Variants in CCDC175 observed in about 807,000 individuals in gnomAD.
The protein encoded by CCDC175 is coiled-coil domain containing 175.
CCDC175 carries 100 observed loss-of-function variants against 114.6 expected under a neutral mutation model. That is an observed-to-expected ratio of 0.87 (90% confidence interval 0.74 to 1.03). The LOEUF is 1.03. Among genes scored for constraint, CCDC175 ranks in the 50% least tolerant of loss-of-function variants. The pLI, the probability that CCDC175 is intolerant of heterozygous loss-of-function variation, is 0.00. For synonymous variants in CCDC175, 306 were observed against 308.7 expected (o/e 0.99, Z 0.09); for missense variants, 880 against 917.8 (o/e 0.96, Z 0.53).
intron 3 of CCDC175, among the ~76,000 whole-genome samples, chr14:59,569,688 T>G (rs929767256): frequency 3.3e-5 from 5 of 152,208 alleles, no homozygotes; most frequent in African/African-American, 1.2e-4. Flanking sequence ...TGTTGTATTT[T>G]CCCTGGCAAA....
intron 17 of CCDC175, among the ~76,000 whole-genome samples, chr14:59,520,081 G>A (rs1374864672): frequency 6.6e-6 from 1 of 152,180 alleles, no homozygotes; most frequent in Non-Finnish European, 1.5e-5. Flanking sequence ...TGTCTTCAAC[G>A]AGCTCTGATC....
chr14:59,570,887 C>A (rs190559582), intron 3 of CCDC175, among the ~76,000 whole-genome samples: 1 of 152,052 alleles, frequency 6.6e-6, no homozygotes, highest in African/African-American at 2.4e-5. Context: ...TACAGGCATG[C>A]GCCACCACGC....
intron 3 of CCDC175, among the ~76,000 whole-genome samples, chr14:59,569,080 T>A: frequency 6.6e-6 from 1 of 152,246 alleles, no homozygotes; most frequent in East Asian, 1.9e-4. Flanking sequence ...TGTAATCACG[T>A]ATGACTTCAA....
chr14:59,548,070 G>A (rs1895225226), intron 8 of CCDC175, among the ~76,000 whole-genome samples: 1 of 152,170 alleles, frequency 6.6e-6, no homozygotes, highest in South Asian at 2.1e-4. Context: ...ATCAGCCGAT[G>A]AATGGATAAA....
At chr14:59,536,587 T>C (rs929885853) in intron 13 of CCDC175, among the ~76,000 whole-genome samples, 7 of 151,732 alleles carry the variant, frequency 4.6e-5, no homozygotes, top group Non-Finnish European at 1.5e-5. Context: ...TCTTCTAACA[T>C]TGTAGTCATT....
intron 16 of CCDC175, among the ~76,000 whole-genome samples, chr14:59,523,665 T>C (rs985131170): frequency 8.5e-5 from 13 of 152,118 alleles, no homozygotes; most frequent in African/African-American, 2.7e-4. Flanking sequence ...ATTTTAGAAA[T>C]GGTATTTCTT....
chr14:59,520,726 T>C (rs1324269590), intron 17 of CCDC175, among the ~76,000 whole-genome samples: 2 of 152,154 alleles, frequency 1.3e-5, no homozygotes, highest in East Asian at 1.9e-4. Flanking sequence ...TTAAAACAAT[T>C]TGCTGAGTGA....
intron 16 of CCDC175, among the ~76,000 whole-genome samples, chr14:59,522,825 A>G (rs760815588): frequency 2.6e-5 from 4 of 152,206 alleles, no homozygotes; most frequent in Non-Finnish European, 5.9e-5. Flanking sequence ...AGATTGTTGC[A>G]CTTAACATAC....
chr14:59,512,476 C>T (rs1892809453), intron 17 of CCDC175, among the ~76,000 whole-genome samples: 2 of 152,162 alleles, frequency 1.3e-5, no homozygotes, highest in African/African-American at 4.8e-5. Flanking sequence ...AAATTAAGTG[C>T]ATCCCTGAGA....
At chr14:59,541,214 A>G (rs779781559) in intron 10 of CCDC175, among the ~76,000 whole-genome samples, 23 of 152,176 alleles carry the variant, frequency 1.5e-4, no homozygotes, top group Non-Finnish European at 2.6e-4. Context: ...AGGTCAACAC[A>G]TTGTTGAGGA....
intron 13 of CCDC175, among the ~76,000 whole-genome samples, chr14:59,533,338 T>C (rs1249020779): frequency 6.6e-6 from 1 of 152,214 alleles, no homozygotes; most frequent in Non-Finnish European, 1.5e-5. Context: ...ACAAGCAATG[T>C]TGCTTCATAA....
chr14:59,568,245 C>G lies in CCDC175; in HGVS notation c.491G>C (p.Gly164Ala). The change falls in exon 4 of 20, where the codon GGG becomes GCG. Residue 164 changes from glycine to alanine, a missense_variant and splice_region_variant. By Grantham distance (60) the Gly-to-Ala change is moderately conservative. Coordinates refer to ENST00000537690, the MANE Select transcript of CCDC175 (RefSeq NM_001164399.2). ...TDLTKYNEAL[G>A]EKQEELARKH... ...AAATACTGAATATAAGAATACCTAC[C>G]CCAGAGCTTCATTATATTTTGTCAG... 6.5e-7 allele frequency: 1 copy of G among 1,527,524 alleles called. No individual in the cohort carries two copies. 94.6% of individuals were successfully genotyped at this position (1,527,524 alleles called of 1,614,324 possible).
rs1487852563 is a variant in CCDC175, at chr14:59,565,298, AGAGT to A, written c.492-27_492-24del. On this transcript the variant is annotated intron_variant, in intron 4 of 19. Transcript: ENST00000537690. ...TCCCTGGGAGGAAAGAATTGCTCAC[AGAGT>A]GAGAAGCACAGCTCCTAAGAAAGGA... 1.5e-5 allele frequency: 23 copies of A among 1,518,216 alleles called. No homozygotes were observed. The South Asian group carries it at 2.4e-4, about 16-fold the overall frequency. The allele number at this position is 1,518,216 out of a possible 1,614,324, so 94.0% of individuals were successfully genotyped here.
At position 59,563,857 on chromosome 14, in the gene CCDC175, A is replaced by C; in HGVS notation, c.723T>G (p.Ile241Met). 7.0e-7 allele frequency: 1 copy of C among 1,422,694 alleles called. No individual in the cohort carries two copies. The highest frequency in any genetic ancestry group is 9.1e-7 in the Non-Finnish European group (1 of 1,095,186). 88.1% of individuals were successfully genotyped at this position (1,422,694 alleles called of 1,614,324 possible). Residue 241 changes from isoleucine (I) to methionine (M), a missense_variant and splice_region_variant, in exon 6 of 20, where the codon ATT (isoleucine) becomes ATG (methionine). Transcript: ENST00000537690. ...LIRKQELTAQ[I>M]NEFENTREVK... is the part of the protein sequence containing the mutation. ...CTTCACGGGTATTTTCAAATTCATT[A>C]ATCTATAGTGACAAGCATAAGAAAC...
chr14:59,552,010 A>G (rs1449375630), intron 7 of CCDC175, among the ~76,000 whole-genome samples: 2 of 152,246 alleles, frequency 1.3e-5, no homozygotes, highest in Non-Finnish European at 2.9e-5. Context: ...CTCAAGGAGG[A>G]CTGCCTGCCT....
intron 17 of CCDC175, among the ~76,000 whole-genome samples, chr14:59,516,025 G>A (rs1294306653): frequency 2.6e-5 from 4 of 152,114 alleles, no homozygotes; most frequent in African/African-American, 7.2e-5. Flanking sequence ...ACTCAAAATC[G>A]CTCAACTACT....
intron 14 of CCDC175, among the ~76,000 whole-genome samples, chr14:59,527,959 G>A (rs139016899): frequency 5.7e-4 from 86 of 151,304 alleles, no homozygotes; most frequent in African/African-American, 1.6e-3. Context: ...TTCTTATGTC[G>A]GACCTCCTGT....
intron 10 of CCDC175, among the ~76,000 whole-genome samples, chr14:59,542,593 T>A (rs574475022): frequency 3.4e-4 from 52 of 152,182 alleles, no homozygotes; most frequent in Non-Finnish European, 2.2e-4. Flanking sequence ...TATAGTATAA[T>A]GTGTATTATA....
At chr14:59,532,022 T>C (rs1894102367) in intron 13 of CCDC175, 112 bp from the exon 14 acceptor site, 1 of 595,902 alleles carries the variant, frequency 1.7e-6, no homozygotes, top group Non-Finnish European at 2.9e-6. Context: ...CTTGGTCTCC[T>C]ATCCTGAGGT....
Sources: allele counts gnomAD v4.1 joint callset (sites outside exome capture counted in the v4.1 genomes callset), GRCh38; gene constraint gnomAD v4.1.1; transcripts MANE v1.5; gene names NCBI Gene and HGNC (gene_info 2026-07-23, HGNC 2026-07-21).